PALLD: variants seen among roughly 807,000 people sequenced by gnomAD.
PALLD encodes the protein palladin.
In PALLD, 61 loss-of-function variants were observed where a neutral mutation model predicts 123.5. The observed-to-expected ratio is 0.49, with a 90% CI of 0.40 to 0.61. The LOEUF (loss-of-function observed/expected upper bound fraction) is 0.61. Ranked by LOEUF, PALLD falls within the 20% of genes least tolerant of loss-of-function variation. The probability of loss-of-function intolerance (pLI) is 0.00; values close to 1 mark genes in which losing one functional copy is unlikely to be tolerated. For synonymous variants in PALLD, 465 were observed against 496.4 expected, an observed-to-expected ratio of 0.94 and a Z score of 0.84; for missense variants, 1,273 against 1,377.0, an observed-to-expected ratio of 0.92 and a Z score of 1.20.
chr4:168,512,908 G>A (rs28497503), intron 2 of PALLD, among the ~76,000 whole-genome samples: 44,509 of 151,858 alleles, frequency 0.29, 6,640 homozygotes, highest in Non-Finnish European at 0.33. Context: ...GCCTACTTGA[G>A]GGGGGAGAGT....
chr4:168,809,277 A>T (rs985289625), intron 10 of PALLD, among the ~76,000 whole-genome samples: 1 of 149,922 alleles, frequency 6.7e-6, no homozygotes, highest in South Asian at 2.1e-4. Flanking sequence ...TCTGCTTTCC[A>T]CTCTGTGTTC....
intron 10 of PALLD, among the ~76,000 whole-genome samples, chr4:168,793,193 ATG>A (rs1317730720): frequency 1.1e-5 from 1 of 94,982 alleles, no homozygotes; most frequent in Non-Finnish European, 2.1e-5. Context: ...ATACATATAT[ATG>A]TGTGCATATA....
chr4:168,641,440 C>A (rs993741027), intron 2 of PALLD, among the ~76,000 whole-genome samples: 2 of 152,102 alleles, frequency 1.3e-5, no homozygotes, highest in African/African-American at 2.4e-5. Context: ...ACATAAAAAC[C>A]AGCCACAGAA....
intron 10 of PALLD, among the ~76,000 whole-genome samples, chr4:168,851,335 G>T (rs751320494): frequency 1.3e-5 from 2 of 150,344 alleles, no homozygotes; most frequent in East Asian, 3.8e-4. Flanking sequence ...CCAGTCTCTC[G>T]TAGATTTTTT....
chr4:168,535,935 G>C (rs980990282), intron 2 of PALLD, among the ~76,000 whole-genome samples: 1 of 152,120 alleles, frequency 6.6e-6, no homozygotes, highest in African/African-American at 2.4e-5. Context: ...CATAAGCAAC[G>C]TGGTGTGTAA....
intron 2 of PALLD, among the ~76,000 whole-genome samples, chr4:168,662,745 G>T (rs530593366): frequency 6.6e-6 from 1 of 152,288 alleles, no homozygotes; most frequent in South Asian, 2.1e-4. Context: ...TAAATGTTTT[G>T]AGTTCTTTGC....
intron 10 of PALLD, among the ~76,000 whole-genome samples, chr4:168,740,842 A>G (rs1167806126): frequency 6.6e-6 from 1 of 152,214 alleles, no homozygotes; most frequent in Non-Finnish European, 1.5e-5. Context: ...ACTTAAGTGC[A>G]GGGTACGATA....
chr4:168,790,355 T>G (rs557892519), intron 10 of PALLD, among the ~76,000 whole-genome samples: 1 of 151,354 alleles, frequency 6.6e-6, no homozygotes, highest in Admixed American at 6.6e-5. Context: ...AGAGATGGGA[T>G]TTCACCATAT....
chr4:168,842,758 G>A (rs781777618), intron 10 of PALLD, among the ~76,000 whole-genome samples: 13 of 152,242 alleles, frequency 8.5e-5, no homozygotes, highest in Non-Finnish European at 1.6e-4. Context: ...TATCTGCTCC[G>A]TCTTCTCTCC....
intron 2 of PALLD, among the ~76,000 whole-genome samples, chr4:168,591,566 C>T (rs770445375): frequency 1.2e-4 from 18 of 152,142 alleles, no homozygotes; most frequent in Non-Finnish European, 2.4e-4. Flanking sequence ...CCGGTAAAAA[C>T]GACCTTTCAT....
At chr4:168,831,549 G>A (rs1166212557) in intron 10 of PALLD, among the ~76,000 whole-genome samples, 2 of 152,098 alleles carry the variant, frequency 1.3e-5, no homozygotes, top group Non-Finnish European at 2.9e-5. Flanking sequence ...TCGATTTAAT[G>A]TCACACAATC....
intron 2 of PALLD, among the ~76,000 whole-genome samples, chr4:168,575,709 A>G (rs1172439280): frequency 6.6e-6 from 1 of 152,100 alleles, no homozygotes; most frequent in African/African-American, 2.4e-5. Context: ...GCACCTATGA[A>G]TCACCTGGAA....
At chr4:168,770,927 G>A (rs1036245057) in intron 10 of PALLD, among the ~76,000 whole-genome samples, 1 of 152,092 alleles carries the variant, frequency 6.6e-6, no homozygotes, top group African/African-American at 2.4e-5. Context: ...GGGCATGGGA[G>A]CGGGCACTTG....
chr4:168,896,872 C>T (rs577612082), intron 13 of PALLD, among the ~76,000 whole-genome samples: 2 of 152,034 alleles, frequency 1.3e-5, no homozygotes, highest in Non-Finnish European at 2.9e-5. Flanking sequence ...GCTCTTGTTG[C>T]CCAGGCTGGA....
chr4:168,723,124 G>C (rs1786188591), intron 10 of PALLD, among the ~76,000 whole-genome samples: 1 of 152,182 alleles, frequency 6.6e-6, no homozygotes, highest in Non-Finnish European at 1.5e-5. Context: ...AGTGGTCAGG[G>C]AACCATGAAG....
chr4:168,919,468 T>A (rs1346384925), intron 17 of PALLD, among the ~76,000 whole-genome samples: 1 of 148,218 alleles, frequency 6.7e-6, no homozygotes, highest in Non-Finnish European at 1.5e-5. Flanking sequence ...GAGGTTGCAG[T>A]AAGCTGAGAT....
chr4:168,761,641 GT>G (rs1230404942), intron 10 of PALLD, among the ~76,000 whole-genome samples: 6 of 11,638 alleles, frequency 5.2e-4, no homozygotes, highest in African/African-American at 1.3e-3. Flanking sequence ...TGTTGTTGTT[GT>G]TTGTTTTTTT....
At chr4:168,833,305 C>A (rs1286527935) in intron 10 of PALLD, among the ~76,000 whole-genome samples, 1 of 135,512 alleles carries the variant, frequency 7.4e-6, no homozygotes, top group Non-Finnish European at 1.6e-5. Flanking sequence ...CCCTGCGGAG[C>A]CGGGTCTTGC....
At chr4:168,811,766 T>A (rs921803615) in intron 10 of PALLD, among the ~76,000 whole-genome samples, 5 of 94,460 alleles carry the variant, frequency 5.3e-5, no homozygotes, top group African/African-American at 2.5e-4. Flanking sequence ...TTTCTCTCTC[T>A]CTCTCTCTCT....
Sources: allele counts gnomAD v4.1 joint callset (sites outside exome capture counted in the v4.1 genomes callset), GRCh38; gene constraint gnomAD v4.1.1; transcripts MANE v1.5; gene names NCBI Gene and HGNC (gene_info 2026-07-23, HGNC 2026-07-21).